The following SRGAP2C variants were observed in gnomAD, a reference collection of about 807,000 sequenced individuals.
The protein encoded by SRGAP2C is SLIT-ROBO Rho GTPase activating protein 2C, also known as SLIT-ROBO Rho GTPase-activating protein 2C.
In SRGAP2C, 15 loss-of-function variants were observed where a neutral mutation model predicts 25.1. That is an observed-to-expected ratio of 0.60 (90% CI 0.40 to 0.92). The LOEUF (loss-of-function observed/expected upper bound fraction) is 0.92. Ranked by LOEUF, SRGAP2C falls within the 40% of genes least tolerant of loss-of-function variation. SRGAP2C has a pLI of 0.00. For synonymous variants in SRGAP2C, 44 were observed against 96.6 expected (o/e 0.46, Z 3.19); for missense variants, 144 against 264.4 (o/e 0.54, Z 3.16).
chr1:121,202,115 A>G (rs1654999171), intron 2 of SRGAP2C, among the ~76,000 whole-genome samples: 1 of 152,210 alleles, frequency 6.6e-6, no homozygotes, highest in African/African-American at 2.4e-5. Context: ...GACCCAATCT[A>G]TAAATGGTCA....
intron 2 of SRGAP2C, among the ~76,000 whole-genome samples, chr1:121,195,101 A>G (rs587642037): frequency 1.0e-3 from 152 of 149,876 alleles, no homozygotes; most frequent in African/African-American, 3.6e-3. Context: ...GACAAATGAC[A>G]GTGTCTGTTT....
intron 2 of SRGAP2C, among the ~76,000 whole-genome samples, chr1:121,263,657 C>T (rs1484131054): frequency 2.0e-5 from 3 of 151,768 alleles, no homozygotes; most frequent in Non-Finnish European, 4.4e-5. Context: ...TGCATCCAAC[C>T]TAAGCCTAGA....
chr1:121,201,909 C>T (rs1654990818), intron 2 of SRGAP2C, among the ~76,000 whole-genome samples: 1 of 152,150 alleles, frequency 6.6e-6, no homozygotes, highest in Non-Finnish European at 1.5e-5. Flanking sequence ...GAACCCCCTC[C>T]CCACCTCACT....
intron 3 of SRGAP2C, among the ~76,000 whole-genome samples, chr1:121,286,327 G>C: frequency 6.9e-6 from 1 of 144,062 alleles, no homozygotes; most frequent in Non-Finnish European, 1.5e-5. Context: ...GCTCCCTGCA[G>C]CCTCAAACTC....
intron 7 of SRGAP2C, among the ~76,000 whole-genome samples, chr1:121,382,389 AAG>A (rs1284373463): frequency 6.6e-6 from 1 of 150,708 alleles, no homozygotes; most frequent in Non-Finnish European, 1.5e-5. Context: ...CTGAAAATGA[AAG>A]AGGATTCTCT....
chr1:121,315,311 C>T (rs1173586105), intron 3 of SRGAP2C, among the ~76,000 whole-genome samples: 16 of 151,248 alleles, frequency 1.1e-4, no homozygotes, highest in African/African-American at 3.6e-4. Context: ...ACCTGGCTTC[C>T]ATTTACTTTT....
intron 2 of SRGAP2C, among the ~76,000 whole-genome samples, chr1:121,191,532 T>G (rs1212985087): frequency 6.7e-6 from 1 of 148,428 alleles, no homozygotes; most frequent in Non-Finnish European, 1.5e-5. Context: ...TGGAAATTCT[T>G]TACAACCCTG....
chr1:121,306,814 CT>C (rs1194932920), intron 3 of SRGAP2C, among the ~76,000 whole-genome samples: 1 of 152,126 alleles, frequency 6.6e-6, no homozygotes, highest in Admixed American at 6.5e-5. Context: ...GGAACAGTGA[CT>C]TTAAAACATT....
intron 3 of SRGAP2C, among the ~76,000 whole-genome samples, chr1:121,312,699 G>C (rs1321388241): frequency 5.9e-5 from 4 of 68,360 alleles, no homozygotes; most frequent in Non-Finnish European, 9.2e-5. Flanking sequence ...AGTCATTCAG[G>C]AGCAGGTTGT....
At chr1:121,237,683 C>T (rs1372575918) in intron 2 of SRGAP2C, among the ~76,000 whole-genome samples, 10 of 151,940 alleles carry the variant, frequency 6.6e-5, no homozygotes, top group Non-Finnish European at 8.8e-5. Flanking sequence ...TAATGAATTC[C>T]GGGTTGCCCT....
intron 2 of SRGAP2C, among the ~76,000 whole-genome samples, chr1:121,217,757 G>C (rs1171026590): frequency 6.6e-6 from 1 of 152,198 alleles, no homozygotes; most frequent in Non-Finnish European, 1.5e-5. Context: ...TCAGTGTGTG[G>C]AATCTTGTTA....
At chr1:121,268,132 A>T (rs1656847719) in intron 2 of SRGAP2C, among the ~76,000 whole-genome samples, 1 of 148,342 alleles carries the variant, frequency 6.7e-6, no homozygotes, top group Non-Finnish European at 1.5e-5. Context: ...ATAAACACCT[A>T]AATAGATTTA....
rs1553338291 is a variant in SRGAP2C at position 121,296,120 on chromosome 1, T to C, written c.260+11125T>C. Among the ~76,000 whole-genome samples, 264 of 147,314 alleles carry C rather than the reference T, an allele frequency of 1.8e-3. 1 individual carries two copies. The highest frequency in any genetic ancestry group is 6.2e-3 in the African/African-American group (244 of 39,550). On this transcript the variant is annotated intron_variant, in intron 3 of 9. Coordinates refer to ENST00000367123, the MANE Select transcript of SRGAP2C (RefSeq NM_001329984.2). ...AAGAATTGTTTTTGAAGGAGTAAAA[T>C]ATGAGAAATTTGGTTTTGGATTTTA...
intron 2 of SRGAP2C, among the ~76,000 whole-genome samples, chr1:121,279,920 C>T (rs1657203538): frequency 6.7e-6 from 1 of 148,616 alleles, no homozygotes; most frequent in Non-Finnish European, 1.5e-5. Flanking sequence ...GAATCCGTTC[C>T]TCCTTTTGGC....
chr1:121,188,816 G>A (rs587607536), intron 2 of SRGAP2C, among the ~76,000 whole-genome samples: 91 of 147,002 alleles, frequency 6.2e-4, no homozygotes, highest in African/African-American at 2.2e-3. Context: ...TACGTCATTA[G>A]TTTGGTCAGT....
chr1:121,368,025 G>A (rs1390512973), intron 5 of SRGAP2C, among the ~76,000 whole-genome samples: 26 of 109,048 alleles, frequency 2.4e-4, no homozygotes, highest in Middle Eastern at 4.7e-3. Flanking sequence ...GCAGTGAGCC[G>A]AGATTGTGCC....
intron 8 of SRGAP2C, among the ~76,000 whole-genome samples, chr1:121,384,569 G>T (rs1553355954): frequency 3.9e-5 from 4 of 102,060 alleles, no homozygotes; most frequent in African/African-American, 1.6e-4. Flanking sequence ...TGCCTTCCAA[G>T]CACCTTCTCC....
At chr1:121,263,605 A>T (rs1313677577) in intron 2 of SRGAP2C, among the ~76,000 whole-genome samples, 2 of 151,722 alleles carry the variant, frequency 1.3e-5, no homozygotes, top group African/African-American at 2.4e-5. Context: ...CAGGGTCCAG[A>T]ACCTGAGTTC....
At chr1:121,365,210 T>C in intron 4 of SRGAP2C, 83 bp from the exon 5 acceptor site, 1 of 355,528 alleles carries the variant, frequency 2.8e-6, no homozygotes, top group South Asian at 2.6e-5. Flanking sequence ...GGGTTATTTG[T>C]AGAGCCAGTG....
Sources: allele counts gnomAD v4.1 joint callset (sites outside exome capture counted in the v4.1 genomes callset), GRCh38; gene constraint gnomAD v4.1.1; transcripts MANE v1.5; gene names NCBI Gene and HGNC (gene_info 2026-07-23, HGNC 2026-07-21).